Variants in WFDC1 observed in about 807,000 individuals in gnomAD.
WFDC1 encodes WAP four-disulfide core domain 1.
In WFDC1, 39 loss-of-function variants were observed where a neutral mutation model predicts 32.9. The observed-to-expected ratio is 1.19, with a 90% CI of 0.92 to 1.55. The LOEUF (loss-of-function observed/expected upper bound fraction) is 1.55. Among genes scored for constraint, WFDC1 ranks in the 40% most tolerant of loss-of-function variants. WFDC1 has a pLI of 0.00. For synonymous variants in WFDC1, 184 were observed against 137.4 expected (o/e 1.34, Z -2.37); for missense variants, 386 against 309.5 (o/e 1.25, Z -1.85).
rs556941971 is a variant in WFDC1, at chr16:84,324,464, A to G, written c.604+4A>G. 4.3e-6 allele frequency: 7 copies of G among 1,613,490 alleles called. No homozygotes were observed. The African/African-American group carries it at 8.0e-5, about 18-fold the overall frequency. ...AAACTTTACAAAGAATATCCAGGTA[A>G]AAGAAGAAACTGTTCTTTCTTTCCA... is the stretch of plus-strand genomic sequence containing the variant. On this transcript the variant is annotated splice_donor_region_variant and intron_variant, in intron 5 of 6. Transcript: ENST00000219454.
intron 5 of WFDC1, 26 bp downstream of exon 5, chr16:84,324,486 TC>T: frequency 6.2e-6 from 10 of 1,606,912 alleles, no homozygotes; most frequent in Non-Finnish European, 7.6e-6. Context: ...GTTCTTTCTT[TC>T]CAGAGGGCAC....
At chr16:84,301,741 G>A (rs899786341) in intron 1 of WFDC1, among the ~76,000 whole-genome samples, 10 of 152,192 alleles carry the variant, frequency 6.6e-5, no homozygotes, top group African/African-American at 2.4e-4. Context: ...GCATGGAGGG[G>A]GGACTGGAAG....
intron 2 of WFDC1, chr16:84,317,076 T>G (rs1279790514): frequency 1.3e-5 from 2 of 151,684 alleles, no homozygotes; most frequent in East Asian, 3.9e-4. Context: ...GTGGATCACT[T>G]GAGGCCAGGA....
intron 4 of WFDC1, among the ~76,000 whole-genome samples, chr16:84,322,606 G>A (rs531950844): frequency 2.6e-5 from 4 of 152,146 alleles, no homozygotes; most frequent in Non-Finnish European, 2.9e-5. Context: ...GAGAGTAAGC[G>A]ACAGGCCCTG....
intron 4 of WFDC1, among the ~76,000 whole-genome samples, chr16:84,323,382 G>C (rs1403167307): frequency 6.6e-6 from 1 of 152,232 alleles, no homozygotes; most frequent in African/African-American, 2.4e-5. Flanking sequence ...AAATTTGAGA[G>C]AGATTGCCAC....
intron 3 of WFDC1, chr16:84,318,604 G>A: frequency 2.4e-6 from 1 of 423,352 alleles, no homozygotes; most frequent in Non-Finnish European, 4.4e-6. Flanking sequence ...CTCCTGGATG[G>A]AGAATTGAAG....
chr16:84,315,416 A>C (rs1267545776), intron 2 of WFDC1, among the ~76,000 whole-genome samples: 1 of 152,202 alleles, frequency 6.6e-6, no homozygotes, highest in East Asian at 1.9e-4. Flanking sequence ...TTTGTCTTTC[A>C]TTCACTGCTG....
At position 84,306,898 on chromosome 16, in the gene WFDC1, G is replaced by A. The variant is rs530869266; in HGVS notation, c.145-6063G>A. On this transcript the variant is annotated intron_variant, in intron 1 of 6. Coordinates refer to ENST00000219454, the MANE Select transcript of WFDC1 (RefSeq NM_021197.4). ...GAACAAAACCAAGTTCCTGTCCCTA[G>A]GAGGGAGAAAAACAGCAAACAAATG... is the stretch of plus-strand genomic sequence containing the variant. 1.6e-4 allele frequency among the ~76,000 whole-genome samples: 25 copies of A among 152,264 alleles called. No individual in the cohort carries two copies. In the South Asian group the frequency reaches 1.9e-3, roughly 11 times the overall value.
At chr16:84,312,310 G>A (rs983924255) in intron 1 of WFDC1, among the ~76,000 whole-genome samples, 5 of 152,234 alleles carry the variant, frequency 3.3e-5, no homozygotes, top group East Asian at 3.9e-4. Context: ...CCAAGACCAC[G>A]TGTTCCCAGC....
At chr16:84,314,052 AG>A (rs1451870126) in intron 2 of WFDC1, among the ~76,000 whole-genome samples, 1 of 141,532 alleles carries the variant, frequency 7.1e-6, no homozygotes, top group South Asian at 2.3e-4. Flanking sequence ...AAAAAAAAAA[AG>A]AAAGAAAAAG....
In WFDC1 at chr16:84,326,947, G is replaced by A. The variant is rs755168582; in HGVS notation, c.*7G>A. The A allele has an allele frequency of 2.2e-5, 36 of 1,614,070 alleles. No homozygotes were observed. The highest frequency in any genetic ancestry group is 5.5e-5 in the South Asian group (5 of 91,068). Reference sequence around the variant, plus strand: ...ACAGAAGCACTTTCAGTAAAGCAACGGCAAGCAGGTGAGTGGGCAGAGAGC... The same window carrying A: ...ACAGAAGCACTTTCAGTAAAGCAACAGCAAGCAGGTGAGTGGGCAGAGAGC... On this transcript the variant is annotated 3_prime_UTR_variant, in exon 6 of 7. Transcript: ENST00000219454.
intron 1 of WFDC1, chr16:84,295,915 G>A (rs396395): frequency 0.96 from 146,934 of 152,394 alleles, 71,071 homozygotes; most frequent in East Asian, 1. Flanking sequence ...GGGGATACAG[G>A]CCTCACATCT....
chr16:84,308,278 G>T (rs947385515), intron 1 of WFDC1, among the ~76,000 whole-genome samples: 1 of 152,200 alleles, frequency 6.6e-6, no homozygotes, highest in African/African-American at 2.4e-5. Flanking sequence ...ATTCCCAGGG[G>T]CACCCGGCCC....
At chr16:84,309,879 TG>T (rs1907511031) in intron 1 of WFDC1, among the ~76,000 whole-genome samples, 1 of 151,642 alleles carries the variant, frequency 6.6e-6, no homozygotes, top group Non-Finnish European at 1.5e-5. Context: ...TGTGTGTGTG[TG>T]TGTGTGTGAT....
chr16:84,315,620 G>A (rs1217839346), intron 2 of WFDC1, among the ~76,000 whole-genome samples: 1 of 152,170 alleles, frequency 6.6e-6, no homozygotes, highest in Non-Finnish European at 1.5e-5. Context: ...TGGGCAGGGG[G>A]GCGCTCTCCC....
At chr16:84,309,699 C>CCA (rs1169453951) in intron 1 of WFDC1, among the ~76,000 whole-genome samples, 1 of 152,026 alleles carries the variant, frequency 6.6e-6, no homozygotes. Flanking sequence ...GAGCCGCGCC[C>CCA]CCCCAACTCC....
intron 2 of WFDC1, among the ~76,000 whole-genome samples, chr16:84,314,178 G>C (rs924039769): frequency 2.0e-5 from 3 of 152,214 alleles, no homozygotes; most frequent in Admixed American, 2.0e-4. Context: ...CCAACCTCTC[G>C]GGGAGAAACA....
chr16:84,327,003 C>T (rs111315501), intron 6 of WFDC1, 48 bp downstream of exon 6: 2 of 1,592,638 alleles, frequency 1.3e-6, no homozygotes, highest in Non-Finnish European at 1.7e-6. Context: ...ATGTGGGCAG[C>T]CAGTGTCCTG....
intron 1 of WFDC1, among the ~76,000 whole-genome samples, chr16:84,302,008 C>T (rs1311210658): frequency 3.9e-5 from 6 of 152,204 alleles, no homozygotes; most frequent in South Asian, 2.1e-4. Flanking sequence ...GAGCACATCG[C>T]ACCTGTCCAC....
Sources: allele counts gnomAD v4.1 joint callset (sites outside exome capture counted in the v4.1 genomes callset), GRCh38; gene constraint gnomAD v4.1.1; transcripts MANE v1.5; gene names NCBI Gene and HGNC (gene_info 2026-07-23, HGNC 2026-07-21).